Variants in SNAP91 observed in about 807,000 individuals in gnomAD.
SNAP91 encodes the protein clathrin coat assembly protein AP180.
Under a neutral mutation model 100.3 loss-of-function variants are expected in SNAP91, and 27 were observed. That is an observed-to-expected ratio of 0.27 (90% CI 0.20 to 0.37). SNAP91 has a LOEUF of 0.37. Among genes scored for constraint, SNAP91 ranks in the 10% least tolerant of loss-of-function variants. The probability of loss-of-function intolerance (pLI) is 1.00; values close to 1 mark genes in which losing one functional copy is unlikely to be tolerated. For synonymous variants in SNAP91, 404 were observed against 398.6 expected (o/e 1.01, Z -0.16); for missense variants, 986 against 1,123.7 (o/e 0.88, Z 1.75).
At position 83,707,914 on chromosome 6, in the gene SNAP91, G is replaced by C; in HGVS notation, c.14C>G (p.Thr5Arg). The C allele has an allele frequency of 6.3e-7, 1 of 1,587,696 alleles. No homozygotes were observed. Among genetic ancestry groups the C allele is most frequent in the South Asian group, 1.2e-5 (1 of 86,072 alleles). MSGQ[T>R]LTDRIAAAQY... ...AGCGGCGGCGATCCGATCCGTGAGC[G>C]TTTGGCCCGACATCTTCTGTGGTCG... Residue 5 changes from threonine (T) to arginine (R), a missense_variant, in exon 2 of 30, where the codon ACG becomes AGG. Thr to Arg is a moderately conservative substitution (Grantham distance 71). Around this residue, in one of 4 missense-constraint regions of SNAP91, gnomAD observed 330 missense variants for 447.5 expected, o/e 0.74. Coordinates refer to ENST00000369694, the MANE Select transcript of SNAP91 (RefSeq NM_001242792.2).
rs1407722149 is a variant in SNAP91, at chr6:83,580,587, A to C, written c.2162T>G (p.Leu721Arg). ...CATGGTTGGCATCAAAAGATCACCTAGACCATCAAACACTGGAAATCAAAT... is the reference window on the plus strand; with the variant it reads ...CATGGTTGGCATCAAAAGATCACCTCGACCATCAAACACTGGAAATCAAAT... Reference protein sequence around the residue: ...SSFDPSVFDGLGDLLMPTMAP... With the variant: ...SSFDPSVFDGRGDLLMPTMAP... The change falls in exon 24 of 30, where the codon CTA becomes CGA. Residue 721 changes from leucine to arginine, a missense_variant. Around this residue, in one of 4 missense-constraint regions of SNAP91, gnomAD observed 575 missense variants for 579.9 expected, o/e 0.99. Transcript: ENST00000369694. 3.7e-6 allele frequency: 6 copies of C among 1,608,136 alleles called. No homozygotes were observed. The highest frequency in any genetic ancestry group is 5.1e-6 in the Non-Finnish European group (6 of 1,178,262).
At chr6:83,557,997 T>C (rs1781373557) in intron 28 of SNAP91, among the ~76,000 whole-genome samples, 1 of 152,008 alleles carries the variant, frequency 6.6e-6, no homozygotes, top group Non-Finnish European at 1.5e-5. Flanking sequence ...TGGTGTATCA[T>C]TACCTGGCTT....
At chr6:83,695,276 C>CAAAAAAAAAAAAAA (rs56103542) in intron 2 of SNAP91, among the ~76,000 whole-genome samples, 2 of 67,316 alleles carry the variant, frequency 3.0e-5, no homozygotes, top group Non-Finnish European at 5.0e-5. Flanking sequence ...GGCTCCATCT[C>CAAAAAAAAAAAAAA]AAAAAAAAAA....
At chr6:83,571,970 T>C (rs78205973) in intron 26 of SNAP91, among the ~76,000 whole-genome samples, 5,453 of 152,262 alleles carry the variant, frequency 0.036, 384 homozygotes, top group East Asian at 0.19. Flanking sequence ...GCACAAGCTC[T>C]TCCTTTGCCT....
At chr6:83,664,753 T>C (rs926447952) in intron 3 of SNAP91, among the ~76,000 whole-genome samples, 10 of 152,098 alleles carry the variant, frequency 6.6e-5, no homozygotes, top group Admixed American at 2.6e-4. Flanking sequence ...TTTGAGAGGA[T>C]TGACTCCAAT....
intron 2 of SNAP91, among the ~76,000 whole-genome samples, chr6:83,682,288 C>T (rs1289735897): frequency 2.0e-5 from 3 of 151,630 alleles, no homozygotes; most frequent in Non-Finnish European, 2.9e-5. Context: ...AGAGATCCTC[C>T]GACCTTAGCT....
intron 19 of SNAP91, 50 bp downstream of exon 19, chr6:83,593,132 G>A (rs2094006393): frequency 6.5e-7 from 1 of 1,539,264 alleles, no homozygotes; most frequent in Non-Finnish European, 8.8e-7. Context: ...GCTTAATCAG[G>A]AAAACATCTA....
At chr6:83,659,172 C>A in intron 5 of SNAP91, 80 bp from the exon 6 acceptor site, 1 of 1,029,248 alleles carries the variant, frequency 9.7e-7, no homozygotes, top group South Asian at 1.5e-5. Flanking sequence ...CTAAGCTGTT[C>A]CCCCACACCA....
At position 83,613,699 on chromosome 6, in the gene SNAP91, G is replaced by T. The variant is rs552612786; in HGVS notation, c.884+1158C>A. 3.9e-5 allele frequency among the ~76,000 whole-genome samples: 6 copies of T among 152,258 alleles called. No homozygotes were observed. The South Asian group carries it at 1.2e-3, about 32-fold the overall frequency. On this transcript the variant is annotated intron_variant, in intron 11 of 29. Coordinates refer to ENST00000369694, the MANE Select transcript of SNAP91 (RefSeq NM_001242792.2). ...TCCACATTCCAACCCCCAAAACACA[G>T]ATAAACTTGGCACATTTGCTTCTCT... is the stretch of plus-strand genomic sequence containing the variant.
At chr6:83,654,262 C>A (rs2098324569) in intron 7 of SNAP91, among the ~76,000 whole-genome samples, 1 of 152,182 alleles carries the variant, frequency 6.6e-6, no homozygotes, top group Non-Finnish European at 1.5e-5. Flanking sequence ...ATCCATGACT[C>A]CTTGTATTTG....
chr6:83,607,255 A>C (rs1488329519), intron 13 of SNAP91, among the ~76,000 whole-genome samples: 1 of 151,498 alleles, frequency 6.6e-6, no homozygotes. Flanking sequence ...GAATACCCCA[A>C]AGGCCTCCTC....
intron 2 of SNAP91, among the ~76,000 whole-genome samples, chr6:83,683,649 A>C (rs2128931493): frequency 6.6e-6 from 1 of 152,296 alleles, no homozygotes; most frequent in South Asian, 2.1e-4. Context: ...TTTCTTTATA[A>C]ATCATCCAGC....
At chr6:83,686,414 G>A (rs1474311271) in intron 2 of SNAP91, among the ~76,000 whole-genome samples, 1 of 152,202 alleles carries the variant, frequency 6.6e-6, no homozygotes, top group African/African-American at 2.4e-5. Flanking sequence ...CAAGGGTAGA[G>A]TGTAAGGAGT....
Position 83,708,909 on chromosome 6 carries a change from G to A in SNAP91, c.-95C>T, listed in dbSNP as rs938767317. The A allele has an allele frequency of 6.6e-6, 1 of 151,984 alleles. No homozygotes were observed. Among genetic ancestry groups the A allele is most frequent in the Non-Finnish European group, 1.5e-5 (1 of 68,034 alleles). The allele number at this position is 151,984 out of a possible 1,614,324, so 9.4% of individuals were successfully genotyped here. On this transcript the variant is annotated 5_prime_UTR_variant, in exon 1 of 30. Transcript: ENST00000369694. Reference sequence around the variant, plus strand: ...AGCCCGGGCCGCCGAGGGAAGCCGCGCCGGTGGATGTGTGCGACCGCGCGT... The same window carrying A: ...AGCCCGGGCCGCCGAGGGAAGCCGCACCGGTGGATGTGTGCGACCGCGCGT...
In SNAP91 at chr6:83,593,511, T is replaced by C. The variant is rs41271579; in HGVS notation, c.1663A>G (p.Thr555Ala). 7.1e-3 allele frequency: 11,036 copies of C among 1,552,412 alleles called. 68 individuals carry two copies. Among genetic ancestry groups the C allele is most frequent in the Non-Finnish European group, 8.6e-3 (9,896 of 1,147,408 alleles). The change falls in exon 18 of 30, where the codon ACC becomes GCC. Residue 555 changes from threonine to alanine, a missense_variant. This residue lies in a region of SNAP91 where 575 missense variants were observed against 579.9 expected (regional missense o/e 0.99). Transcript: ENST00000369694. ...ATATCTAGAGCAGGAGGAGCAGTGGTGGCGGTGGCAGCGGAGGTGGTGGTA... is the reference window on the plus strand; with the variant it reads ...ATATCTAGAGCAGGAGGAGCAGTGGCGGCGGTGGCAGCGGAGGTGGTGGTA... ...TTTTTSAATA[T>A]TAPPALDIFG...
Position 83,641,082 on chromosome 6 carries a change from T to C in SNAP91, c.765+14A>G, listed in dbSNP as rs766908212. On this transcript the variant is annotated intron_variant, in intron 8 of 29. Transcript: ENST00000369694. ...TAAAAAATTATATTCCCAAGAAAAC[T>C]TAATATTACTTACCTCTGCAACCTT... 1.2e-5 allele frequency: 17 copies of C among 1,374,356 alleles called. No individual in the cohort carries two copies. The highest frequency in any genetic ancestry group is 1.6e-5 in the Non-Finnish European group (16 of 1,018,748). The allele number at this position is 1,374,356 out of a possible 1,614,324, so 85.1% of individuals were successfully genotyped here. A position where few individuals can be genotyped will look rare whatever the true frequency, so the allele number is the denominator to read the frequency against.
intron 6 of SNAP91, among the ~76,000 whole-genome samples, chr6:83,657,917 C>A (rs1193417118): frequency 1.3e-5 from 2 of 150,726 alleles, no homozygotes; most frequent in Non-Finnish European, 3.0e-5. Context: ...CAGGCATGCA[C>A]CACCACACCT....
intron 23 of SNAP91, among the ~76,000 whole-genome samples, chr6:83,581,302 T>C (rs574306796): frequency 2.2e-4 from 34 of 152,246 alleles, no homozygotes; most frequent in African/African-American, 7.5e-4. Context: ...TCTCACTCAT[T>C]AGAGCAATCA....
intron 7 of SNAP91, among the ~76,000 whole-genome samples, chr6:83,651,273 T>C (rs1229720103): frequency 6.6e-6 from 1 of 152,156 alleles, no homozygotes; most frequent in East Asian, 1.9e-4. Flanking sequence ...ATTCTTATTA[T>C]TTATTTTCTT....
Sources: allele counts gnomAD v4.1 joint callset (sites outside exome capture counted in the v4.1 genomes callset), GRCh38; gene constraint gnomAD v4.1.1; regional missense constraint gnomAD v4.1.1; transcripts MANE v1.5; gene names NCBI Gene and HGNC (gene_info 2026-07-23, HGNC 2026-07-21).